The following DNAH11 variants were observed in gnomAD, a reference collection of about 807,000 sequenced individuals.
DNAH11 encodes axonemal beta dynein heavy chain 11.
DNAH11 carries 442 observed loss-of-function variants against 526.0 expected under a neutral mutation model. The observed-to-expected ratio is 0.84, with a 90% CI of 0.78 to 0.91. The LOEUF (loss-of-function observed/expected upper bound fraction) is 0.91. Ranked by LOEUF, DNAH11 falls within the 40% of genes least tolerant of loss-of-function variation. The pLI is 0.00. For synonymous variants in DNAH11, 2,461 were observed against 1,935.9 expected (o/e 1.27, Z -7.12); for missense variants, 6,989 against 5,448.7 (o/e 1.28, Z -8.90).
At chr7:21,548,782 C>T (rs541580578) in intron 2 of DNAH11, among the ~76,000 whole-genome samples, 3 of 152,262 alleles carry the variant, frequency 2.0e-5, no homozygotes, top group Non-Finnish European at 4.4e-5. Flanking sequence ...GAACTCTGCC[C>T]CCTGCCTAGA....
At position 21,842,719 on chromosome 7, in the gene DNAH11, A is replaced by G. The variant is rs370443558; in HGVS notation, c.10867A>G (p.Ile3623Val). 314 of 1,612,370 alleles carry G rather than the reference A, an allele frequency of 1.9e-4. No homozygotes were observed. Among genetic ancestry groups the G allele is most frequent in the Non-Finnish European group, 2.5e-4 (299 of 1,179,274 alleles). The change falls in exon 66 of 82, where the codon ATT becomes GTT. Residue 3623 changes from isoleucine (I) to valine (V), a missense_variant. By Grantham distance (29) the Ile-to-Val change is conservative. Coordinates refer to ENST00000409508, the MANE Select transcript of DNAH11 (RefSeq NM_001277115.2). The part of the protein sequence containing the change: ...EAQLLAEVVS[I>V]ERPDLEKLKL... Reference sequence around the variant, plus strand: ...CCAGCTGCTGGCAGAGGTTGTCAGTATTGAAAGGCCAGATTTGGAGAAACT... The same window carrying G: ...CCAGCTGCTGGCAGAGGTTGTCAGTGTTGAAAGGCCAGATTTGGAGAAACT...
chr7:21,895,294 C>A (rs1482663356), intron 79 of DNAH11, among the ~76,000 whole-genome samples: 1 of 152,084 alleles, frequency 6.6e-6, no homozygotes, highest in Non-Finnish European at 1.5e-5. Context: ...ATGTAGATGG[C>A]AATAGAATCC....
At chr7:21,786,921 A>G (rs925673836) in intron 59 of DNAH11, among the ~76,000 whole-genome samples, 154 bp downstream of exon 59, 2 of 152,246 alleles carry the variant, frequency 1.3e-5, no homozygotes, top group African/African-American at 4.8e-5. Flanking sequence ...CTAGACTTAC[A>G]GCTTTTGTTT....
At chr7:21,824,960 C>T (rs894614359) in intron 65 of DNAH11, among the ~76,000 whole-genome samples, 2 of 152,178 alleles carry the variant, frequency 1.3e-5, no homozygotes, top group Non-Finnish European at 2.9e-5. Flanking sequence ...CAACCTCCAC[C>T]TCCCAGGTTC....
At chr7:21,586,712 G>A (rs541103484) in intron 9 of DNAH11, among the ~76,000 whole-genome samples, 4 of 152,290 alleles carry the variant, frequency 2.6e-5, no homozygotes, top group East Asian at 1.9e-4. Context: ...TAAACAAGGC[G>A]TGACCTTGGA....
intron 30 of DNAH11, among the ~76,000 whole-genome samples, chr7:21,679,324 G>A (rs2128471681): frequency 6.6e-6 from 1 of 152,268 alleles, no homozygotes; most frequent in East Asian, 1.9e-4. Context: ...TTTAACATAT[G>A]GCACCTATAA....
At chr7:21,816,420 C>T (rs191774922) in intron 63 of DNAH11, 47 bp from the exon 64 acceptor site, 13 of 1,437,944 alleles carry the variant, frequency 9.0e-6, no homozygotes, top group African/African-American at 5.6e-5. Context: ...TCTGTCTTCT[C>T]TCTCTGCCAC....
chr7:21,800,197 A>C (rs1468397938), intron 61 of DNAH11, among the ~76,000 whole-genome samples: 2 of 151,918 alleles, frequency 1.3e-5, no homozygotes, highest in Non-Finnish European at 1.5e-5. Context: ...CTTTCTCCAC[A>C]ATGGTTTTCT....
chr7:21,900,325 A>G (rs776018444), intron 81 of DNAH11, among the ~76,000 whole-genome samples: 10 of 108,588 alleles, frequency 9.2e-5, no homozygotes, highest in Non-Finnish European at 2.3e-4. Flanking sequence ...GGTGATGGCT[A>G]TCACTTAAAT....
At chr7:21,847,388 G>C (rs9969213) in intron 66 of DNAH11, among the ~76,000 whole-genome samples, 14,326 of 151,900 alleles carry the variant, frequency 0.094, 1,933 homozygotes, top group African/African-American at 0.29. Flanking sequence ...TTGTATTTTT[G>C]TTTGCATTTA....
intron 36 of DNAH11, among the ~76,000 whole-genome samples, chr7:21,699,856 G>T (rs181629588): frequency 2.6e-3 from 389 of 152,010 alleles, no homozygotes; most frequent in African/African-American, 8.9e-3. Context: ...GCTTTTTGCT[G>T]ACCATGTTGA....
At chr7:21,655,513 G>A (rs1781974830) in intron 28 of DNAH11, among the ~76,000 whole-genome samples, 1 of 152,132 alleles carries the variant, frequency 6.6e-6, no homozygotes, top group Non-Finnish European at 1.5e-5. Context: ...AGAAGCCCCA[G>A]TAGGATGCCT....
chr7:21,597,574 GGA>G (rs931108862), intron 14 of DNAH11, among the ~76,000 whole-genome samples: 5 of 152,262 alleles, frequency 3.3e-5, no homozygotes, highest in African/African-American at 1.2e-4. Flanking sequence ...CATGGTGGCA[GGA>G]GAGAGAGCAA....
At chr7:21,743,413 G>A (rs1189962805) in intron 49 of DNAH11, among the ~76,000 whole-genome samples, 2 of 152,216 alleles carry the variant, frequency 1.3e-5, no homozygotes, top group Admixed American at 6.5e-5. Flanking sequence ...TTCTGAAGGG[G>A]AAATTGAAAG....
At chr7:21,596,140 A>G (rs1156598382) in intron 14 of DNAH11, among the ~76,000 whole-genome samples, 4 of 152,234 alleles carry the variant, frequency 2.6e-5, no homozygotes, top group Admixed American at 1.3e-4. Context: ...TTTCCCATCA[A>G]TGACAATTTG....
chr7:21,625,582 G>C (rs1047093544), intron 25 of DNAH11, among the ~76,000 whole-genome samples: 1 of 152,008 alleles, frequency 6.6e-6, no homozygotes, highest in African/African-American at 2.4e-5. Context: ...AGTTCCTGAA[G>C]GGTTAGCATT....
chr7:21,894,778 A>C lies in DNAH11; in HGVS notation c.12906A>C (p.Ser4302=), dbSNP rs1436731659. Residue 4302 remains serine (S), a synonymous_variant, in exon 78 of 82, where the codon TCA becomes TCC. Transcript: ENST00000409508. Reference sequence around the variant, plus strand: ...TTCTCATTCGGGAAATACGTATATCACTTGAACAACTGGACCTTAGTTTGA... The same window carrying C: ...TTCTCATTCGGGAAATACGTATATCCCTTGAACAACTGGACCTTAGTTTGA... ...MNILIREIRI[S]LEQLDLSLKG... is the part of the protein sequence containing the mutation. 4 of 1,610,846 alleles carry C rather than the reference A, an allele frequency of 2.5e-6. No individual in the cohort carries two copies. Among genetic ancestry groups the C allele is most frequent in the African/African-American group, 1.3e-5 (1 of 74,760 alleles).
intron 14 of DNAH11, among the ~76,000 whole-genome samples, chr7:21,596,602 C>A (rs909885989): frequency 2.0e-5 from 3 of 152,124 alleles, no homozygotes; most frequent in Admixed American, 2.0e-4. Flanking sequence ...AAAAAATGTA[C>A]TCCCCAAACT....
intron 7 of DNAH11, 105 bp downstream of exon 7, chr7:21,570,404 G>T: frequency 2.2e-6 from 2 of 906,752 alleles, no homozygotes; most frequent in South Asian, 3.8e-5. Flanking sequence ...ATAGGTGGAG[G>T]TCTCCTTTCT....
Sources: allele counts gnomAD v4.1 joint callset (sites outside exome capture counted in the v4.1 genomes callset), GRCh38; gene constraint gnomAD v4.1.1; transcripts MANE v1.5; gene names NCBI Gene and HGNC (gene_info 2026-07-23, HGNC 2026-07-21).